Variants in RAPGEF1 observed in about 807,000 individuals in gnomAD.
RAPGEF1 encodes the protein CRK SH3-binding GNRP.
Under a neutral mutation model 143.3 loss-of-function variants are expected in RAPGEF1, and 33 were observed. The observed-to-expected ratio is 0.23, with a 90% CI of 0.17 to 0.31. RAPGEF1 has a LOEUF of 0.31. Among genes scored for constraint, RAPGEF1 ranks in the 10% least tolerant of loss-of-function variants. RAPGEF1 has a pLI of 1.00. For synonymous variants in RAPGEF1, 629 were observed against 676.5 expected, an observed-to-expected ratio of 0.93 and a Z score of 1.09; for missense variants, 1,199 against 1,645.4, an observed-to-expected ratio of 0.73 and a Z score of 4.69.
At chr9:131,691,868 A>T (rs972871985) in intron 1 of RAPGEF1, among the ~76,000 whole-genome samples, 3 of 151,998 alleles carry the variant, frequency 2.0e-5, no homozygotes, top group East Asian at 1.9e-4. Context: ...TTCTCAGATT[A>T]AAAAAAACAC....
chr9:131,590,106 C>T, intron 18 of RAPGEF1, 128 bp from the exon 19 acceptor site: 1 of 816,450 alleles, frequency 1.2e-6, no homozygotes, highest in Non-Finnish European at 2.0e-6. Flanking sequence ...GCACTGGCAT[C>T]CAGAAACGAG....
chr9:131,663,978 C>T (rs1397273633), intron 1 of RAPGEF1, among the ~76,000 whole-genome samples: 2 of 152,180 alleles, frequency 1.3e-5, no homozygotes, highest in Non-Finnish European at 2.9e-5. Flanking sequence ...TATTGGCTGG[C>T]ATTCCTTTAT....
At chr9:131,732,628 CA>C (rs1837153278) in intron 1 of RAPGEF1, among the ~76,000 whole-genome samples, 1 of 152,156 alleles carries the variant, frequency 6.6e-6, no homozygotes, top group Non-Finnish European at 1.5e-5. Context: ...ACAGAACCCC[CA>C]ACTAACTGCA....
At position 131,577,588 on chromosome 9, in the gene RAPGEF1, G is replaced by C. The variant is rs1417485758; in HGVS notation, c.*1909C>G. 1 of 152,302 alleles carries C rather than the reference G, an allele frequency of 6.6e-6. No individual in the cohort carries two copies. Among genetic ancestry groups the C allele is most frequent in the Non-Finnish European group, 1.5e-5 (1 of 68,072 alleles). 9.4% of individuals were successfully genotyped at this position (152,302 alleles called of 1,614,324 possible). A position where few individuals can be genotyped will look rare whatever the true frequency, so the allele number is the denominator to read the frequency against. ...ACACAACCCAAGGGCCCTGTGTGCA[G>C]AGCGGCCCTCACACGCGCACAGCAG... On this transcript the variant is annotated 3_prime_UTR_variant, in exon 27 of 27. Transcript: ENST00000683357.
chr9:131,670,391 G>C (rs1564667680), intron 1 of RAPGEF1, among the ~76,000 whole-genome samples: 1 of 152,184 alleles, frequency 6.6e-6, no homozygotes, highest in Non-Finnish European at 1.5e-5. Flanking sequence ...TGACGCAGAT[G>C]CCACAATCTT....
In RAPGEF1 at chr9:131,739,919, C is replaced by G. The variant is rs1837644466; in HGVS notation, c.-89G>C. ...GGCTCGCCACGCCTCAGACCCGCGC[C>G]GGCATGGCGGGCTCCGCGCGGCCGC... On this transcript the variant is annotated 5_prime_UTR_variant, in exon 1 of 27. Coordinates refer to ENST00000683357, the MANE Select transcript of RAPGEF1 (RefSeq NM_001377935.1). 3.9e-6 allele frequency: 3 copies of G among 770,348 alleles called. No homozygotes were observed. Among genetic ancestry groups the G allele is most frequent in the African/African-American group, 1.9e-5 (1 of 52,566 alleles). 47.7% of individuals were successfully genotyped at this position (770,348 alleles called of 1,614,324 possible). A position where few individuals can be genotyped will look rare whatever the true frequency, so the allele number is the denominator to read the frequency against.
chr9:131,696,780 C>T (rs1218053522), intron 1 of RAPGEF1, among the ~76,000 whole-genome samples: 1 of 152,198 alleles, frequency 6.6e-6, no homozygotes, highest in Admixed American at 6.5e-5. Flanking sequence ...ACTACAAAGA[C>T]GCATCTTGAA....
At chr9:131,632,645 TTG>T (rs1965248605) in intron 5 of RAPGEF1, among the ~76,000 whole-genome samples, 2 of 152,208 alleles carry the variant, frequency 1.3e-5, no homozygotes, top group South Asian at 4.1e-4. Context: ...GACCATTACG[TTG>T]TTATTAAAGA....
chr9:131,617,441 C>T (rs745861928), intron 12 of RAPGEF1, among the ~76,000 whole-genome samples: 2 of 152,204 alleles, frequency 1.3e-5, no homozygotes, highest in Non-Finnish European at 2.9e-5. Context: ...CCATCTTGGT[C>T]GAAGGCACTG....
intron 1 of RAPGEF1, among the ~76,000 whole-genome samples, chr9:131,709,289 C>A (rs1033983110): frequency 6.6e-6 from 1 of 152,040 alleles, no homozygotes. Context: ...GAGGTTGCAG[C>A]GAGCTGAGAT....
At position 131,605,054 on chromosome 9, in the gene RAPGEF1, T is replaced by A. The variant is rs777961745; in HGVS notation, c.2196A>T (p.Leu732Phe). 7.3e-7 allele frequency: 1 copy of A among 1,365,090 alleles called. No individual in the cohort carries two copies. The highest frequency in any genetic ancestry group is 1.1e-5 in the South Asian group (1 of 87,566). The allele number at this position is 1,365,090 out of a possible 1,614,324, so 84.6% of individuals were successfully genotyped here. A position where few individuals can be genotyped will look rare whatever the true frequency, so the allele number is the denominator to read the frequency against. The change falls in exon 13 of 27, where the codon TTA (leucine) becomes TTT (phenylalanine). Residue 732 changes from leucine (L) to phenylalanine (F), a missense_variant. Transcript: ENST00000683357. ...GTGGACCGGCCATGGTTGGCACGGC[T>A]AAGTCAGAGCTCTGAGACTGGTGGG... ...PPAHQSQSSDLAVPTMAGPPP... is the reference protein window; with the variant it reads ...PPAHQSQSSDFAVPTMAGPPP...
chr9:131,658,601 G>C (rs138987806), intron 1 of RAPGEF1, among the ~76,000 whole-genome samples: 6 of 152,252 alleles, frequency 3.9e-5, no homozygotes, highest in African/African-American at 1.2e-4. Flanking sequence ...CCACTTTCTT[G>C]GGCAACCATC....
chr9:131,698,882 G>A (rs1834405555), intron 1 of RAPGEF1, among the ~76,000 whole-genome samples: 1 of 152,358 alleles, frequency 6.6e-6, no homozygotes, highest in South Asian at 2.1e-4. Context: ...AGCTGCAGAA[G>A]TGTAAACTAG....
chr9:131,579,628 T>C lies in RAPGEF1; in HGVS notation c.3661A>G (p.Asn1221Asp). 10 of 1,614,000 alleles carry C rather than the reference T, an allele frequency of 6.2e-6. No homozygotes were observed. Among genetic ancestry groups the C allele is most frequent in the Non-Finnish European group, 7.6e-6 (9 of 1,179,858 alleles). The change falls in exon 27 of 27, where the codon AAC becomes GAC. Residue 1221 changes from asparagine to aspartate, a missense_variant. Around this residue, in one of 6 missense-constraint regions of RAPGEF1, gnomAD observed 67 missense variants for 105.4 expected, o/e 0.64. Coordinates refer to ENST00000683357, the MANE Select transcript of RAPGEF1 (RefSeq NM_001377935.1). ...FQQAHYDMRR[N>D]DDIINFFNDF... is the part of the protein sequence containing the mutation. ...TTGAAGAAGTTTATAATGTCGTCGT[T>C]CCTCCGCATGTCATAGTGCCTGGTG...
chr9:131,624,996 C>A (rs918172566), intron 10 of RAPGEF1, among the ~76,000 whole-genome samples: 2 of 152,254 alleles, frequency 1.3e-5, no homozygotes, highest in Non-Finnish European at 2.9e-5. Flanking sequence ...CAAGCCAGGT[C>A]TTCCCTTCTT....
rs947591502 is a variant in RAPGEF1, at chr9:131,739,875, C to A, written c.-45G>T. The A allele has an allele frequency of 1.0e-6, 1 of 983,726 alleles. No individual in the cohort carries two copies. Among genetic ancestry groups the A allele is most frequent in the South Asian group, 4.6e-5 (1 of 21,872 alleles). 60.9% of individuals were successfully genotyped at this position (983,726 alleles called of 1,614,324 possible). ...CGCGGGGCGACAGGGGCGGCGCGCCCGCCGCTCGCCTCGGCCCTGGCTCGC... is the reference window on the plus strand; with the variant it reads ...CGCGGGGCGACAGGGGCGGCGCGCCAGCCGCTCGCCTCGGCCCTGGCTCGC... On this transcript the variant is annotated 5_prime_UTR_variant, in exon 1 of 27. Coordinates refer to ENST00000683357, the MANE Select transcript of RAPGEF1 (RefSeq NM_001377935.1).
At chr9:131,679,819 A>C (rs1014613729) in intron 1 of RAPGEF1, among the ~76,000 whole-genome samples, 1 of 152,296 alleles carries the variant, frequency 6.6e-6, no homozygotes, top group Non-Finnish European at 1.5e-5. Context: ...GCAGGAGGCC[A>C]CCTTCAGCTC....
At chr9:131,598,826 G>GT (rs1955757268) in intron 15 of RAPGEF1, among the ~76,000 whole-genome samples, 2 of 93,734 alleles carry the variant, frequency 2.1e-5, no homozygotes, top group Non-Finnish European at 4.1e-5. Context: ...TTATTTATTT[G>GT]CTTTTTTTTT....
Position 131,728,605 on chromosome 9 carries a change from A to G in RAPGEF1, c.61+11165T>C, listed in dbSNP as rs187835702. 7.2e-5 allele frequency among the ~76,000 whole-genome samples: 11 copies of G among 152,332 alleles called. No homozygotes were observed. In the East Asian group the frequency reaches 1.9e-3, roughly 27 times the overall value. ...CTACGAGTGATCACTTCAAAAGTTT[A>G]TTACTTAATTGTAAAAACCTACTCC... On this transcript the variant is annotated intron_variant, in intron 1 of 26. Transcript: ENST00000683357.
Sources: gnomAD v4.1 joint callset for allele counts (sites outside exome capture counted in the v4.1 genomes callset) on GRCh38, gnomAD v4.1.1 for gene constraint, gnomAD v4.1.1 regional missense constraint, MANE v1.5 for transcripts, NCBI Gene and HGNC (gene_info 2026-07-23, HGNC 2026-07-21) for gene names.